The following IKZF3 variants were observed in gnomAD, a reference collection of about 807,000 sequenced individuals.
The protein encoded by IKZF3 is zinc finger protein Aiolos.
A neutral mutation model predicts 49.0 loss-of-function variants in IKZF3; 10 were observed. That is an observed-to-expected ratio of 0.20 (90% CI 0.13 to 0.35). The LOEUF is 0.35. Ranked by LOEUF, IKZF3 falls within the 10% of genes least tolerant of loss-of-function variation. The probability of loss-of-function intolerance (pLI) is 1.00; values close to 1 mark genes in which losing one functional copy is unlikely to be tolerated. For missense variants in IKZF3, 498 were observed against 664.8 expected (o/e 0.75, Z 2.76); for synonymous variants, 209 against 228.2 (o/e 0.92, Z 0.76).
At chr17:39,851,653 C>A in intron 1 of IKZF3, among the ~76,000 whole-genome samples, 2 of 151,844 alleles carry the variant, frequency 1.3e-5, no homozygotes, top group Admixed American at 6.6e-5. Context: ...TAATTTGGGG[C>A]AAAGGGGGAA....
At position 39,765,566 on chromosome 17, in the gene IKZF3, C is replaced by T. The variant is rs748697329; in HGVS notation, c.*224G>A. The T allele has an allele frequency of 4.0e-5, 19 of 477,964 alleles. No individual in the cohort carries two copies. Among genetic ancestry groups the T allele is most frequent in the African/African-American group, 9.7e-5 (5 of 51,618 alleles). The allele number at this position is 477,964 out of a possible 1,614,324, so 29.6% of individuals were successfully genotyped here. A position where few individuals can be genotyped will look rare whatever the true frequency, so the allele number is the denominator to read the frequency against. ...CTTTTAAATTCCATAAAATTCAAGT[C>T]CCTGATGGGAAAACAAAGGTTTCAC... On this transcript the variant is annotated 3_prime_UTR_variant, in exon 8 of 8. Coordinates refer to ENST00000346872, the MANE Select transcript of IKZF3 (RefSeq NM_012481.5).
At chr17:39,837,430 GT>G (rs1423616790) in intron 1 of IKZF3, among the ~76,000 whole-genome samples, 4 of 149,108 alleles carry the variant, frequency 2.7e-5, no homozygotes, top group African/African-American at 7.4e-5. Context: ...AGTTTACAGG[GT>G]TTTTTTCTTA....
Position 39,825,651 on chromosome 17 carries a change from G to A in IKZF3, c.163+3736C>T, listed in dbSNP as rs531343328. ...GGCAAAAACCTGTGAGTACTTTCCA[G>A]CAATGACAACAATTGGATTTTGGAC... On this transcript the variant is annotated intron_variant, in intron 3 of 7. Transcript: ENST00000346872. Among the ~76,000 whole-genome samples, 145 of 152,272 alleles carry A rather than the reference G, an allele frequency of 9.5e-4. 2 individuals carry two copies. The highest frequency in any genetic ancestry group is 9.5e-3 in the Admixed American group (145 of 15,288).
intron 2 of IKZF3, 52 bp downstream of exon 2, chr17:39,832,046 G>A: frequency 7.7e-7 from 1 of 1,302,950 alleles, no homozygotes; most frequent in Admixed American, 1.8e-5. Flanking sequence ...CTCTCTCTTT[G>A]GTATTTTTTT....
intron 7 of IKZF3, among the ~76,000 whole-genome samples, chr17:39,770,248 A>G (rs2060404028): frequency 6.6e-6 from 1 of 152,220 alleles, no homozygotes; most frequent in Admixed American, 6.5e-5. Flanking sequence ...CCAAACCTGC[A>G]CGGAGCATCT....
intron 1 of IKZF3, chr17:39,835,467 G>A (rs1442535085): frequency 8.8e-6 from 4 of 451,984 alleles, no homozygotes; most frequent in African/African-American, 4.0e-5. Flanking sequence ...GCCGGCTGAT[G>A]TTCCAGTTTA....
chr17:39,813,104 A>AAAAT (rs142647769), intron 3 of IKZF3, among the ~76,000 whole-genome samples: 14 of 143,376 alleles, frequency 9.8e-5, no homozygotes, highest in East Asian at 8.2e-4. Context: ...TCCATCTCAA[A>AAAAT]AAATAAATAA....
chr17:39,788,615 G>C (rs1314871840), intron 5 of IKZF3, among the ~76,000 whole-genome samples: 1 of 152,160 alleles, frequency 6.6e-6, no homozygotes, highest in Non-Finnish European at 1.5e-5. Flanking sequence ...GAAGAATTTG[G>C]ATTTAGTGAT....
chr17:39,784,029 A>G (rs2060811987), intron 6 of IKZF3, among the ~76,000 whole-genome samples: 1 of 152,266 alleles, frequency 6.6e-6, no homozygotes, highest in Non-Finnish European at 1.5e-5. Flanking sequence ...GTAAAAATGT[A>G]AGTTTATTCT....
intron 1 of IKZF3, among the ~76,000 whole-genome samples, chr17:39,854,055 G>C (rs1238661368): frequency 2.0e-5 from 3 of 152,168 alleles, no homozygotes; most frequent in African/African-American, 7.2e-5. Context: ...GAACCTGGGA[G>C]GCGGAGGTTG....
intron 1 of IKZF3, among the ~76,000 whole-genome samples, chr17:39,856,298 T>C (rs2063056008): frequency 6.6e-6 from 1 of 152,092 alleles, no homozygotes; most frequent in African/African-American, 2.4e-5. Context: ...TTTATTTATT[T>C]ATTTTTTTGA....
At chr17:39,772,421 T>TG (rs1393682864) in intron 7 of IKZF3, among the ~76,000 whole-genome samples, 1 of 152,172 alleles carries the variant, frequency 6.6e-6, no homozygotes, top group African/African-American at 2.4e-5. Flanking sequence ...TCATATAATT[T>TG]CCCACAAGTG....
intron 1 of IKZF3, chr17:39,839,238 G>A (rs1162547724): frequency 3.3e-6 from 1 of 299,690 alleles, no homozygotes; most frequent in East Asian, 9.0e-5. Context: ...AAGAGATTCA[G>A]AGAGAAAAAA....
At chr17:39,789,110 C>T (rs1393276666) in intron 5 of IKZF3, among the ~76,000 whole-genome samples, 1 of 152,072 alleles carries the variant, frequency 6.6e-6, no homozygotes, top group African/African-American at 2.4e-5. Flanking sequence ...AGCCATTGCA[C>T]CCGGCCAGGA....
chr17:39,781,686 C>T (rs186024252), intron 6 of IKZF3, among the ~76,000 whole-genome samples: 1 of 152,176 alleles, frequency 6.6e-6, no homozygotes, highest in Non-Finnish European at 1.5e-5. Flanking sequence ...AATCAACATC[C>T]TCTACATTTG....
chr17:39,786,730 A>G (rs2143823589), intron 6 of IKZF3, among the ~76,000 whole-genome samples: 1 of 152,278 alleles, frequency 6.6e-6, no homozygotes, highest in Admixed American at 6.5e-5. Context: ...AGCAGCTAGG[A>G]CTACAGGTGT....
chr17:39,862,521 C>T (rs9907096), intron 1 of IKZF3, among the ~76,000 whole-genome samples: 8,800 of 152,006 alleles, frequency 0.058, 401 homozygotes, highest in African/African-American at 0.12. Flanking sequence ...TATAATGAAC[C>T]AGATATTTTA....
chr17:39,796,650 C>T (rs2061170800), intron 3 of IKZF3, among the ~76,000 whole-genome samples: 1 of 151,230 alleles, frequency 6.6e-6, no homozygotes, highest in Non-Finnish European at 1.5e-5. Context: ...AAGCGATTCT[C>T]CTGCCTCAGC....
chr17:39,762,423 G>A lies in IKZF3; in HGVS notation c.*3367C>T, dbSNP rs985011477. 5 of 152,322 alleles carry A rather than the reference G, an allele frequency of 3.3e-5. No individual in the cohort carries two copies. In the East Asian group the frequency reaches 9.6e-4, roughly 29 times the overall value. The allele number at this position is 152,322 out of a possible 1,614,324, so 9.4% of individuals were successfully genotyped here. ...ATGGGCCCCAATCTAGGCTCAGAATGCCACAAAGAAAGTGCCTTTGTGAGT... is the reference window on the plus strand; with the variant it reads ...ATGGGCCCCAATCTAGGCTCAGAATACCACAAAGAAAGTGCCTTTGTGAGT... On this transcript the variant is annotated 3_prime_UTR_variant, in exon 8 of 8. Coordinates refer to ENST00000346872, the MANE Select transcript of IKZF3 (RefSeq NM_012481.5).
Sources: allele counts gnomAD v4.1 joint callset (sites outside exome capture counted in the v4.1 genomes callset), GRCh38; gene constraint gnomAD v4.1.1; transcripts MANE v1.5; gene names NCBI Gene and HGNC (gene_info 2026-07-23, HGNC 2026-07-21).